KTI12: variants seen among roughly 807,000 people sequenced by gnomAD.
The protein encoded by KTI12 is KTI12 chromatin associated homolog, also known as protein KTI12 homolog.
Under a neutral mutation model 8.8 loss-of-function variants are expected in KTI12, and 8 were observed. The observed-to-expected ratio is 0.91, with a 90% CI of 0.53 to 1.64. The LOEUF is 1.64. KTI12 is among the 40% of genes most tolerant of loss of function. The pLI, the probability that KTI12 is intolerant of heterozygous loss-of-function variation, is 0.00. For missense variants in KTI12, 490 were observed against 492.1 expected, an observed-to-expected ratio of 1.00 and a Z score of 0.04; for synonymous variants, 216 against 220.1, an observed-to-expected ratio of 0.98 and a Z score of 0.17.
At position 52,033,124 on chromosome 1, in the gene KTI12, G is replaced by T; in HGVS notation, c.638C>A (p.Thr213Lys). Residue 213 changes from threonine (T) to lysine (K), a missense_variant, in exon 1 of 1, where the codon ACG becomes AAG. By Grantham distance (78) the Thr-to-Lys change is moderately conservative. Transcript: ENST00000371614. ...AGAATCGGGAGCCTCAAAGCGCAGC[G>T]TTAGGGCCTCCAGGAGTTCGGGAGA... Reference protein sequence around the residue: ...FYSPELLEALTLRFEAPDSRN... With the variant: ...FYSPELLEALKLRFEAPDSRN... 6.2e-7 allele frequency: 1 copy of T among 1,614,026 alleles called. No individual in the cohort carries two copies. The highest frequency in any genetic ancestry group is 8.5e-7 in the Non-Finnish European group (1 of 1,180,004).
Position 52,032,466 on chromosome 1 carries a change from G to GC in KTI12, c.*230_*231insG, listed in dbSNP as rs34611753. On this transcript the variant is annotated 3_prime_UTR_variant, in exon 1 of 1. Transcript: ENST00000371614. Reference sequence around the variant, plus strand: ...CCTGTCCACCTTAGCTCTGTCCTCTGAGGGATTTGCCAGGTTGCACCACAA... The same window carrying GC: ...CCTGTCCACCTTAGCTCTGTCCTCTGCAGGGATTTGCCAGGTTGCACCACAA... The GC allele has an allele frequency of 3.9e-6, 5 of 1,294,586 alleles. No homozygotes were observed. The African/African-American group carries it at 7.9e-5, about 20-fold the overall frequency. 80.2% of individuals were successfully genotyped at this position (1,294,586 alleles called of 1,614,324 possible). A position where few individuals can be genotyped will look rare whatever the true frequency, so the allele number is the denominator to read the frequency against.
At position 52,033,621 on chromosome 1, in the gene KTI12, C is replaced by T. The variant is rs1685822953; in HGVS notation, c.141G>A (p.Ala47=). ...DAAVLGAEDP[A]VYGDSAREKA... is the part of the protein sequence containing the mutation. ...TCTCACGGGCAGAATCGCCGTACAC[C>T]GCTGGGTCCTCTGCGCCCAGGACAG... Residue 47 remains alanine (A), a synonymous_variant, in exon 1 of 1, where the codon GCG becomes GCA. Coordinates refer to ENST00000371614, the MANE Select transcript of KTI12 (RefSeq NM_138417.3). The T allele has an allele frequency of 6.2e-7, 1 of 1,612,500 alleles. No homozygotes were observed. Among genetic ancestry groups the T allele is most frequent in the Non-Finnish European group, 8.5e-7 (1 of 1,179,902 alleles).
Position 52,032,870 on chromosome 1 carries a change from G to T in KTI12, c.892C>A (p.Leu298Ile), listed in dbSNP as rs1685792981. Residue 298 changes from leucine (L) to isoleucine (I), a missense_variant, in exon 1 of 1, where the codon CTC becomes ATC. By Grantham distance (5) the Leu-to-Ile change is conservative. Coordinates refer to ENST00000371614, the MANE Select transcript of KTI12 (RefSeq NM_138417.3). ...AQKSAVPGDLLTLPGTTEHLR... is the reference protein window; with the variant it reads ...AQKSAVPGDLITLPGTTEHLR... ...TGCTCTGTGGTACCAGGAAGCGTGA[G>T]CAAGTCCCCGGGGACAGCGCTCTTC... The T allele has an allele frequency of 6.2e-7, 1 of 1,614,190 alleles. No homozygotes were observed. Among genetic ancestry groups the T allele is most frequent in the Non-Finnish European group, 8.5e-7 (1 of 1,180,032 alleles).
Position 52,032,883 on chromosome 1 carries a change from G to A in KTI12, c.879C>T (p.Val293=), listed in dbSNP as rs1220138863. The A allele has an allele frequency of 6.2e-7, 1 of 1,613,936 alleles. No homozygotes were observed. Among genetic ancestry groups the A allele is most frequent in the Non-Finnish European group, 8.5e-7 (1 of 1,179,940 alleles). ...CAGGAAGCGTGAGCAAGTCCCCGGG[G>A]ACAGCGCTCTTCTGCGCTTCCATCA... ...AGLMEAQKSA[V]PGDLLTLPGT... Residue 293 remains valine (V), a synonymous_variant, in exon 1 of 1, where the codon GTC becomes GTT. Coordinates refer to ENST00000371614, the MANE Select transcript of KTI12 (RefSeq NM_138417.3).
chr1:52,033,437 G>A lies in KTI12; in HGVS notation c.325C>T (p.Arg109Trp), dbSNP rs201861316. ...RTPLCLVYCV[R>W]PGGPIAGPQV... The stretch of plus-strand genomic sequence containing the variant: ...GGTCCCGCGATCGGGCCGCCGGGCC[G>A]TACGCAGTAGACCAGGCAGAGCGGG... The change falls in exon 1 of 1, where the codon CGG becomes TGG. Residue 109 changes from arginine to tryptophan, a missense_variant. Coordinates refer to ENST00000371614, the MANE Select transcript of KTI12 (RefSeq NM_138417.3). 4 of 1,612,856 alleles carry A rather than the reference G, an allele frequency of 2.5e-6. No individual in the cohort carries two copies. The highest frequency in any genetic ancestry group is 1.7e-5 in the Admixed American group (1 of 59,972).
rs1320447993 is a variant in KTI12 at position 52,033,494 on chromosome 1, C to T, written c.268G>A (p.Glu90Lys). ...GCCGCCCGTGCCAGGCAGTAGAGCT[C>T]GTAACGGAAACCTTTGATGTAGTTA... ...SLNYIKGFRY[E>K]LYCLARAART... Residue 90 changes from glutamate (E) to lysine (K), a missense_variant, in exon 1 of 1, where the codon GAG (glutamate) becomes AAG (lysine). Physicochemically the swap from Glu to Lys is moderately conservative, Grantham distance 56. Transcript: ENST00000371614. 1.9e-6 allele frequency: 3 copies of T among 1,613,752 alleles called. No individual in the cohort carries two copies. The highest frequency in any genetic ancestry group is 2.5e-6 in the Non-Finnish European group (3 of 1,179,918).
In KTI12 at chr1:52,032,664, C is replaced by G. The variant is rs761017257; in HGVS notation, c.*33G>C. 2 of 1,554,022 alleles carry G rather than the reference C, an allele frequency of 1.3e-6. 1 individual carries two copies. The highest frequency in any genetic ancestry group is 2.5e-5 in the South Asian group (2 of 80,290). On this transcript the variant is annotated 3_prime_UTR_variant, in exon 1 of 1. Transcript: ENST00000371614. The stretch of plus-strand genomic sequence containing the variant: ...CAGAGAAATAAAGTGGAGTGGAGAT[C>G]AGAAGCCATGGCTTCCCCCCTACCT...
In KTI12 at chr1:52,032,118, GATTTT is replaced by G; in HGVS notation, c.*574_*578del. ...GAGATTCCAGTAGACTATTTTAAAA[GATTTT>G]ATTAGAGGAAATAATCTAGTAGATA... On this transcript the variant is annotated 3_prime_UTR_variant, in exon 1 of 1. Coordinates refer to ENST00000371614, the MANE Select transcript of KTI12 (RefSeq NM_138417.3). 1.0e-6 allele frequency: 1 copy of G among 956,748 alleles called. No individual in the cohort carries two copies. The highest frequency in any genetic ancestry group is 1.2e-6 in the Non-Finnish European group (1 of 803,886). 59.3% of individuals were successfully genotyped at this position (956,748 alleles called of 1,614,324 possible).
In KTI12 at chr1:52,032,227, G is replaced by A. The variant is rs1052073904; in HGVS notation, c.*470C>T. ...TATCTGTGAACTCGGTCCCAGAATA[G>A]AAACTAGCAAAAAGTCAGTACAGTA... On this transcript the variant is annotated 3_prime_UTR_variant, in exon 1 of 1. Coordinates refer to ENST00000371614, the MANE Select transcript of KTI12 (RefSeq NM_138417.3). 4.1e-6 allele frequency: 4 copies of A among 986,188 alleles called. No homozygotes were observed. Among genetic ancestry groups the A allele is most frequent in the Non-Finnish European group, 4.8e-6 (4 of 830,606 alleles). 61.1% of individuals were successfully genotyped at this position (986,188 alleles called of 1,614,324 possible).
Position 52,033,407 on chromosome 1 carries a change from C to T in KTI12, c.355G>A (p.Val119Met), listed in dbSNP as rs372478725. Residue 119 changes from valine to methionine, a missense_variant, in exon 1 of 1, where the codon GTG (valine) becomes ATG (methionine). Physicochemically the swap from Val to Met is conservative, Grantham distance 21. Coordinates refer to ENST00000371614, the MANE Select transcript of KTI12 (RefSeq NM_138417.3). Reference sequence around the variant, plus strand: ...CCAGGGTTCTCGTTCGCGCCCGCCACCTGAGGTCCCGCGATCGGGCCGCCG... The same window carrying T: ...CCAGGGTTCTCGTTCGCGCCCGCCATCTGAGGTCCCGCGATCGGGCCGCCG... The part of the protein sequence containing the change: ...RPGGPIAGPQ[V>M]AGANENPGRN... 4 of 1,451,254 alleles carry T rather than the reference C, an allele frequency of 2.8e-6. No individual in the cohort carries two copies. In the African/African-American group the frequency reaches 6.0e-5, roughly 22 times the overall value. The allele number at this position is 1,451,254 out of a possible 1,614,324, so 89.9% of individuals were successfully genotyped here. A position where few individuals can be genotyped will look rare whatever the true frequency, so the allele number is the denominator to read the frequency against.
At position 52,032,447 on chromosome 1, in the gene KTI12, C is replaced by A; in HGVS notation, c.*250G>T. 8.0e-7 allele frequency: 1 copy of A among 1,248,836 alleles called. No individual in the cohort carries two copies. Among genetic ancestry groups the A allele is most frequent in the East Asian group, 3.3e-5 (1 of 30,616 alleles). 77.4% of individuals were successfully genotyped at this position (1,248,836 alleles called of 1,614,324 possible). On this transcript the variant is annotated 3_prime_UTR_variant, in exon 1 of 1. Coordinates refer to ENST00000371614, the MANE Select transcript of KTI12 (RefSeq NM_138417.3). ...GGATCCAATCTAGGTAATCCCTGTC[C>A]ACCTTAGCTCTGTCCTCTGAGGGAT...
rs1025037954 is a variant in KTI12, at chr1:52,033,636, G to A, written c.126C>T (p.Gly42=). Reference sequence around the variant, plus strand: ...CGCCGTACACCGCTGGGTCCTCTGCGCCCAGGACAGCTGCGTCGTCCACCA... The same window carrying A: ...CGCCGTACACCGCTGGGTCCTCTGCACCCAGGACAGCTGCGTCGTCCACCA... The part of the protein sequence containing the change: ...VYVVDDAAVL[G]AEDPAVYGDS... Residue 42 remains glycine (G), a synonymous_variant, in exon 1 of 1, where the codon GGC becomes GGT. Transcript: ENST00000371614. 2.5e-5 allele frequency: 41 copies of A among 1,611,612 alleles called. No homozygotes were observed. Among genetic ancestry groups the A allele is most frequent in the Non-Finnish European group, 3.4e-5 (40 of 1,179,872 alleles).
At position 52,033,545 on chromosome 1, in the gene KTI12, G is replaced by T. The variant is rs141443103; in HGVS notation, c.217C>A (p.His73Asn). The T allele has an allele frequency of 1.5e-4, 241 of 1,613,934 alleles. No homozygotes were observed. The African/African-American group carries it at 2.7e-3, about 18-fold the overall frequency. ...RASVERRLSR[H>N]DVVILDSLNY... ...AGCGAGTCCAGGATGACCACGTCGTGGCGACTCAGGCGCCGTTCCACGGAG... is the reference window on the plus strand; with the variant it reads ...AGCGAGTCCAGGATGACCACGTCGTTGCGACTCAGGCGCCGTTCCACGGAG... Residue 73 changes from histidine to asparagine, a missense_variant, in exon 1 of 1, where the codon CAC (histidine) becomes AAC (asparagine). By Grantham distance (68) the His-to-Asn change is moderately conservative. Coordinates refer to ENST00000371614, the MANE Select transcript of KTI12 (RefSeq NM_138417.3).
rs1685775743 is a variant in KTI12, at chr1:52,032,240, A to C, written c.*457T>G. The C allele has an allele frequency of 1.0e-6, 1 of 987,062 alleles. No individual in the cohort carries two copies. Among genetic ancestry groups the C allele is most frequent in the Non-Finnish European group, 1.2e-6 (1 of 831,214 alleles). 61.1% of individuals were successfully genotyped at this position (987,062 alleles called of 1,614,324 possible). On this transcript the variant is annotated 3_prime_UTR_variant, in exon 1 of 1. Coordinates refer to ENST00000371614, the MANE Select transcript of KTI12 (RefSeq NM_138417.3). ...GGTCCCAGAATAGAAACTAGCAAAA[A>C]GTCAGTACAGTACTCAAAAAATACT... is the stretch of plus-strand genomic sequence containing the variant.
At position 52,032,823 on chromosome 1, in the gene KTI12, C is replaced by T; in HGVS notation, c.939G>A (p.Leu313=). 1 of 1,614,156 alleles carries T rather than the reference C, an allele frequency of 6.2e-7. No individual in the cohort carries two copies. The highest frequency in any genetic ancestry group is 8.5e-7 in the Non-Finnish European group (1 of 1,180,002). The stretch of plus-strand genomic sequence containing the variant: ...GAAGGCGACTCAGTTCTGCCATGGT[C>T]AAGGGCCGGGTAAACCGCAAGTGCT... ...TTEHLRFTRP[L]TMAELSRLRR... The change falls in exon 1 of 1, where the codon TTG becomes TTA. Residue 313 remains leucine, a synonymous_variant. Transcript: ENST00000371614.
In KTI12 at chr1:52,032,418, A is replaced by G; in HGVS notation, c.*279T>C. ...ATGGTCAATGCTCTGTGATAGCCCA[A>G]GTAGGATCCAATCTAGGTAATCCCT... On this transcript the variant is annotated 3_prime_UTR_variant, in exon 1 of 1. Transcript: ENST00000371614. 8.4e-7 allele frequency: 1 copy of G among 1,188,780 alleles called. No individual in the cohort carries two copies. The highest frequency in any genetic ancestry group is 1.0e-6 in the Non-Finnish European group (1 of 957,924). The allele number at this position is 1,188,780 out of a possible 1,614,324, so 73.6% of individuals were successfully genotyped here.
In KTI12 at chr1:52,033,081, C is replaced by G; in HGVS notation, c.681G>C (p.Arg227=). The change falls in exon 1 of 1, where the codon CGG becomes CGC. Residue 227 remains arginine, a synonymous_variant. Transcript: ENST00000371614. The part of the protein sequence containing the change: ...EAPDSRNRWD[R]PLFTLVGLEE... ...CTAGGCCCACCAAAGTGAATAAAGG[C>G]CGGTCCCAGCGATTCCGAGAATCGG... 6.2e-7 allele frequency: 1 copy of G among 1,607,576 alleles called. No homozygotes were observed.
Position 52,033,601 on chromosome 1 carries a change from C to A in KTI12, c.161G>T (p.Arg54Leu). The stretch of plus-strand genomic sequence containing the variant: ...CAGAGCTCCACGCAATGCCTTCTCA[C>A]GGGCAGAATCGCCGTACACCGCTGG... Reference protein sequence around the residue: ...EDPAVYGDSAREKALRGALRA... With the variant: ...EDPAVYGDSALEKALRGALRA... Residue 54 changes from arginine to leucine, a missense_variant, in exon 1 of 1, where the codon CGT (arginine) becomes CTT (leucine). By Grantham distance (102) the Arg-to-Leu change is moderately radical. Transcript: ENST00000371614. The A allele has an allele frequency of 1.2e-6, 2 of 1,613,098 alleles. No individual in the cohort carries two copies. The highest frequency in any genetic ancestry group is 1.7e-6 in the Non-Finnish European group (2 of 1,179,920).
In KTI12 at chr1:52,032,744, G is replaced by A; in HGVS notation, c.1018C>T (p.Gln340Ter). 6.2e-7 allele frequency: 1 copy of A among 1,613,870 alleles called. No individual in the cohort carries two copies. The highest frequency in any genetic ancestry group is 8.5e-7 in the Non-Finnish European group (1 of 1,179,852). Reference sequence around the variant, plus strand: ...TACTGAAGAAACATGTTGGCCAGTTGCGGCAAGTTCTCATTGTTGGGATGC... The same window carrying A: ...TACTGAAGAAACATGTTGGCCAGTTACGGCAAGTTCTCATTGTTGGGATGC... Reference protein sequence around the residue: ...KMHPNNENLPQLANMFLQYLS... With the variant: ...KMHPNNENLP Residue 340 changes from glutamine to a stop codon, truncating the protein, a stop_gained, in exon 1 of 1, where the codon CAA becomes TAA. Coordinates refer to ENST00000371614, the MANE Select transcript of KTI12 (RefSeq NM_138417.3). LOFTEE classifies it high-confidence loss of function.
Sources: gnomAD v4.1 joint callset for allele counts on GRCh38, gnomAD v4.1.1 for gene constraint, MANE v1.5 for transcripts, NCBI Gene and HGNC (gene_info 2026-07-23, HGNC 2026-07-21) for gene names.